KIF13B: variants seen among roughly 807,000 people sequenced by gnomAD.
KIF13B encodes kinesin family member 13B, also known as kinesin-like protein KIF13B.
In KIF13B, 127 loss-of-function variants were observed where a neutral mutation model predicts 222.0. That is an observed-to-expected ratio of 0.57 (90% CI 0.50 to 0.66). KIF13B has a LOEUF of 0.66. KIF13B is among the 30% of genes least tolerant of loss of function. The pLI is 0.00. For missense variants in KIF13B, 2,173 were observed against 2,379.0 expected (o/e 0.91, Z 1.80); for synonymous variants, 976 against 919.0 (o/e 1.06, Z -1.12).
chr8:29,148,650 C>G lies in KIF13B; in HGVS notation c.1740G>C (p.Glu580Asp). ...AATTAAAGTTAACTTCACTGGACACCTCGCTGGAGGAGTCTCCGTCTACAT... is the reference window on the plus strand; with the variant it reads ...AATTAAAGTTAACTTCACTGGACACGTCGCTGGAGGAGTCTCCGTCTACAT... Reference protein sequence around the residue: ...QLDVDGDSSSEVSSEVNFNYE... With the variant: ...QLDVDGDSSSDVSSEVNFNYE... The change falls in exon 16 of 40, where the codon GAG becomes GAC. Residue 580 changes from glutamate (E) to aspartate (D), a missense_variant. Around this residue, in one of 2 missense-constraint regions of KIF13B, gnomAD observed 1,480 missense variants for 1,722.8 expected, o/e 0.86. Transcript: ENST00000524189. 6.2e-7 allele frequency: 1 copy of G among 1,613,188 alleles called. No homozygotes were observed. Among genetic ancestry groups the G allele is most frequent in the Non-Finnish European group, 8.5e-7 (1 of 1,179,574 alleles).
chr8:29,250,015 G>A (rs1275366666), intron 1 of KIF13B: 1 of 1,288,614 alleles, frequency 7.8e-7, no homozygotes. Context: ...AGAGGTCCAT[G>A]AGAGTTTCTT....
In KIF13B at chr8:29,071,427, A is replaced by G. The variant is rs1242984435; in HGVS notation, c.5218+193T>C. Among the ~76,000 whole-genome samples, 2 of 152,098 alleles carry G rather than the reference A, an allele frequency of 1.3e-5. No individual in the cohort carries two copies. The highest frequency in any genetic ancestry group is 2.4e-5 in the African/African-American group (1 of 41,422). ...TAGCCAAAATCATCAGGAATTTTCC[A>G]TGTCGTCTCCAGGGACTAGCCCTGC... On this transcript the variant is annotated intron_variant, in intron 39 of 39. Coordinates refer to ENST00000524189, the MANE Select transcript of KIF13B (RefSeq NM_015254.4). The surrounding 1 kb of genome is among the most constrained non-coding windows in gnomAD (Gnocchi z 4.9).
At position 29,109,441 on chromosome 8, in the gene KIF13B, A is replaced by G; in HGVS notation, c.4154T>C (p.Val1385Ala). The G allele has an allele frequency of 6.2e-7, 1 of 1,612,800 alleles. No individual in the cohort carries two copies. The highest frequency in any genetic ancestry group is 8.5e-7 in the Non-Finnish European group (1 of 1,178,746). Residue 1385 changes from valine to alanine, a missense_variant, in exon 34 of 40, where the codon GTG becomes GCG. By Grantham distance (64) the Val-to-Ala change is moderately conservative. This residue lies in a region of KIF13B where 693 missense variants were observed against 656.2 expected (regional missense o/e 1.06). Transcript: ENST00000524189. The part of the protein sequence containing the change: ...LSRRSISSPN[V>A]NRLSGSRQDL... Reference sequence around the variant, plus strand: ...TTGGTTCCACACACTCACTCTGTTCACATTTGGAGAACTGATACTCCTCCT... The same window carrying G: ...TTGGTTCCACACACTCACTCTGTTCGCATTTGGAGAACTGATACTCCTCCT...
chr8:29,112,927 T>C (rs1809423114), intron 32 of KIF13B, among the ~76,000 whole-genome samples: 1 of 152,232 alleles, frequency 6.6e-6, no homozygotes, highest in Admixed American at 6.5e-5. Flanking sequence ...ATAATAGTAC[T>C]AATAAAATAA....
At chr8:29,122,030 G>A (rs7828314) in intron 29 of KIF13B, among the ~76,000 whole-genome samples, 87,375 of 151,480 alleles carry the variant, frequency 0.58, 25,662 homozygotes, top group Admixed American at 0.63. Context: ...CAAGGAGGGC[G>A]GATCACGAGG....
At chr8:29,209,093 G>A (rs556558149) in intron 2 of KIF13B, among the ~76,000 whole-genome samples, 1 of 152,186 alleles carries the variant, frequency 6.6e-6, no homozygotes, top group African/African-American at 2.4e-5. Context: ...AAATGTAAAT[G>A]CAAGACACCA....
At chr8:29,258,459 C>T (rs943167734) in intron 1 of KIF13B, among the ~76,000 whole-genome samples, 2 of 152,200 alleles carry the variant, frequency 1.3e-5, no homozygotes, top group South Asian at 2.1e-4. Context: ...AGAAGCAAAA[C>T]AGAGTGCGTG....
At chr8:29,199,030 C>T (rs959271885) in intron 2 of KIF13B, among the ~76,000 whole-genome samples, 10 of 151,472 alleles carry the variant, frequency 6.6e-5, no homozygotes, top group Middle Eastern at 3.4e-3. Flanking sequence ...ATAACTCATC[C>T]GTGTAACCAA....
chr8:29,176,856 A>G (rs1196816335), intron 9 of KIF13B, among the ~76,000 whole-genome samples: 1 of 151,948 alleles, frequency 6.6e-6, no homozygotes, highest in Non-Finnish European at 1.5e-5. Flanking sequence ...ATGAGCCCAC[A>G]TGAAGGAACT....
chr8:29,203,274 A>AAAG (rs1813779628), intron 2 of KIF13B, among the ~76,000 whole-genome samples: 1 of 152,154 alleles, frequency 6.6e-6, no homozygotes, highest in Non-Finnish European at 1.5e-5. Flanking sequence ...TGTGGGACTG[A>AAAG]CCCAGGTACC....
chr8:29,092,467 A>C (rs1426581210), intron 37 of KIF13B, among the ~76,000 whole-genome samples: 2 of 152,224 alleles, frequency 1.3e-5, no homozygotes, highest in Middle Eastern at 3.2e-3. Context: ...GCACTTCATA[A>C]ATTTTACTAC....
In KIF13B at chr8:29,132,328, C is replaced by T; in HGVS notation, c.2922G>A (p.Lys974=). Residue 974 remains lysine (K), a synonymous_variant, in exon 23 of 40, where the codon AAG becomes AAA. Coordinates refer to ENST00000524189, the MANE Select transcript of KIF13B (RefSeq NM_015254.4). The part of the protein sequence containing the change: ...ALWDLGIIQA[K]TRSLRDRWSE... Reference sequence around the variant, plus strand: ...TTCACCTGTCCCGAAGACTACGTGTCTTTGCTTGGATGATTCCCAAATCCC... The same window carrying T: ...TTCACCTGTCCCGAAGACTACGTGTTTTTGCTTGGATGATTCCCAAATCCC... 1 of 1,564,698 alleles carries T rather than the reference C, an allele frequency of 6.4e-7. No individual in the cohort carries two copies.
chr8:29,091,483 A>G (rs1808298316), intron 37 of KIF13B, among the ~76,000 whole-genome samples: 1 of 152,244 alleles, frequency 6.6e-6, no homozygotes, highest in African/African-American at 2.4e-5. Context: ...AATAAGAATC[A>G]CCACAGACAG....
At chr8:29,112,055 A>G (rs994662509) in intron 32 of KIF13B, among the ~76,000 whole-genome samples, 1 of 152,266 alleles carries the variant, frequency 6.6e-6, no homozygotes, top group African/African-American at 2.4e-5. Context: ...GATCCAGGAA[A>G]GAACTAGTTA....
intron 13 of KIF13B, among the ~76,000 whole-genome samples, chr8:29,156,673 CAACT>C (rs932777485): frequency 3.3e-5 from 5 of 150,898 alleles, no homozygotes; most frequent in African/African-American, 1.2e-4. Flanking sequence ...CCACCTTGAC[CAACT>C]AATTTTTTTT....
intron 35 of KIF13B, among the ~76,000 whole-genome samples, chr8:29,106,821 C>T (rs1439140312): frequency 6.6e-6 from 1 of 152,136 alleles, no homozygotes; most frequent in Non-Finnish European, 1.5e-5. Context: ...TCTTCTGTCT[C>T]TGTCACGCTG....
intron 2 of KIF13B, among the ~76,000 whole-genome samples, chr8:29,220,899 C>T (rs1040920982): frequency 1.3e-5 from 2 of 151,912 alleles, no homozygotes; most frequent in African/African-American, 4.8e-5. Context: ...TCGCTTGAAC[C>T]CAGGAGTTCA....
In KIF13B at chr8:29,253,515, C is replaced by T. The variant is rs1816356344; in HGVS notation, c.56-8076G>A. ...AGGTCATAGTGAGCTATGATCACAC[C>T]ACTGCACTTCAGCCTGGGCAACAGA... On this transcript the variant is annotated intron_variant, in intron 1 of 39. Coordinates refer to ENST00000524189, the MANE Select transcript of KIF13B (RefSeq NM_015254.4). 2.0e-5 allele frequency among the ~76,000 whole-genome samples: 3 copies of T among 151,872 alleles called. No individual in the cohort carries two copies. In the South Asian group the frequency reaches 6.2e-4, roughly 32 times the overall value.
At chr8:29,127,978 CAT>C (rs1248905340) in intron 24 of KIF13B, among the ~76,000 whole-genome samples, 5 of 151,298 alleles carry the variant, frequency 3.3e-5, no homozygotes, top group African/African-American at 1.2e-4. Context: ...TGTAGAAAAA[CAT>C]ATGACATGTT....
Sources: gnomAD v4.1 joint callset for allele counts (sites outside exome capture counted in the v4.1 genomes callset) on GRCh38, gnomAD v4.1.1 for gene constraint, gnomAD v4.1.1 regional missense constraint, Gnocchi (gnomAD v3.1) non-coding constraint, MANE v1.5 for transcripts, NCBI Gene and HGNC (gene_info 2026-07-23, HGNC 2026-07-21) for gene names.